Variants in SCML2 observed in about 807,000 individuals in gnomAD.
SCML2 encodes the protein Scm polycomb group protein like 2, also known as sex comb on midleg-like protein 2.
In SCML2, 6 loss-of-function variants were observed where a neutral mutation model predicts 48.4. The observed-to-expected ratio is 0.12, with a 90% CI of 0.07 to 0.24. The LOEUF is 0.24. Among genes scored for constraint, SCML2 ranks in the 10% least tolerant of loss-of-function variants. The pLI is 1.00. For missense variants in SCML2, 377 were observed against 528.2 expected (o/e 0.71, Z 2.81); for synonymous variants, 181 against 189.5 (o/e 0.95, Z 0.37).
At chrX:18,348,913 G>A (rs1435509021) in intron 1 of SCML2, among the ~76,000 whole-genome samples, 1 of 111,600 alleles carries the variant, frequency 9.0e-6, no homozygotes, top group Non-Finnish European at 1.9e-5. Flanking sequence ...TGAAAGGTAG[G>A]AAAAGTGGCC....
At chrX:18,338,078 T>G (rs1267392643) in intron 1 of SCML2, among the ~76,000 whole-genome samples, 3 of 111,928 alleles carry the variant, frequency 2.7e-5, no homozygotes, top group Non-Finnish European at 5.6e-5. Flanking sequence ...AAAATACACC[T>G]TATCAAAATT....
chrX:18,351,687 A>AT (rs1425042370), intron 1 of SCML2, among the ~76,000 whole-genome samples: 1 of 109,164 alleles, frequency 9.2e-6, no homozygotes. Flanking sequence ...AAAAAAAAAA[A>AT]AGACTAGAGG....
chrX:18,285,110 G>A (rs1928004632), intron 7 of SCML2, among the ~76,000 whole-genome samples: 1 of 110,676 alleles, frequency 9.0e-6, no homozygotes. Flanking sequence ...TTGTTGGTGG[G>A]GACATAAATT....
chrX:18,336,610 G>A (rs1360772970), intron 1 of SCML2, among the ~76,000 whole-genome samples: 4 of 105,119 alleles, frequency 3.8e-5, no homozygotes, highest in Middle Eastern at 5.4e-3. Context: ...GGTGGCGGGC[G>A]CCTGTAGTCC....
intron 7 of SCML2, among the ~76,000 whole-genome samples, chrX:18,290,750 T>A (rs189543643): frequency 9.0e-6 from 1 of 111,337 alleles, no homozygotes; most frequent in Non-Finnish European, 1.9e-5. Flanking sequence ...AGTAATGAGT[T>A]TACAAACTTT....
At chrX:18,281,188 C>A (rs1486591127) in intron 7 of SCML2, among the ~76,000 whole-genome samples, 3 of 64,543 alleles carry the variant, frequency 4.6e-5, no homozygotes, top group African/African-American at 4.7e-5. Flanking sequence ...ATAGAAATCA[C>A]TACCAAGATC....
chrX:18,327,148 T>C (rs1238557587), intron 3 of SCML2, among the ~76,000 whole-genome samples: 1 of 109,763 alleles, frequency 9.1e-6, no homozygotes, highest in African/African-American at 3.3e-5. Flanking sequence ...GGTGGGCAGA[T>C]CACCTGAGGT....
Position 18,272,234 on chromosome X carries a change from A to G in SCML2, c.731-6432T>C, listed in dbSNP as rs192933591. On this transcript the variant is annotated intron_variant, in intron 7 of 14. Transcript: ENST00000251900. Reference sequence around the variant, plus strand: ...AATACTCAAGGACTGTTACTGTCAGATAAGAGTGACTTTACCTCTCCATAA... The same window carrying G: ...AATACTCAAGGACTGTTACTGTCAGGTAAGAGTGACTTTACCTCTCCATAA... 5.2e-3 allele frequency among the ~76,000 whole-genome samples: 586 copies of G among 112,322 alleles called. 7 individuals are homozygous for G. The highest frequency in any genetic ancestry group is 0.018 in the African/African-American group (556 of 30,937).
chrX:18,306,427 C>T (rs946715180), intron 6 of SCML2, among the ~76,000 whole-genome samples: 4 of 111,725 alleles, frequency 3.6e-5, no homozygotes, highest in Non-Finnish European at 5.6e-5. Context: ...TCCTAGCTTC[C>T]TTGAATGCTT....
At chrX:18,256,324 C>T (rs1926840293) in intron 11 of SCML2, among the ~76,000 whole-genome samples, 2 of 110,744 alleles carry the variant, frequency 1.8e-5, no homozygotes, top group African/African-American at 6.6e-5. Flanking sequence ...TGGTGGTGGG[C>T]GCCTGTAATC....
At chrX:18,330,473 A>G (rs1955949341) in intron 3 of SCML2, 114 bp downstream of exon 3, 2 of 348,917 alleles carry the variant, frequency 5.7e-6, no homozygotes, top group Non-Finnish European at 5.0e-6. Context: ...AGAAGTTTAC[A>G]GTATACAGAC....
intron 6 of SCML2, among the ~76,000 whole-genome samples, chrX:18,314,713 C>T (rs764451655): frequency 4.5e-5 from 5 of 112,004 alleles, no homozygotes; most frequent in Admixed American, 9.5e-5. Flanking sequence ...TCAAAAGGAA[C>T]TCACAGTCCA....
At chrX:18,294,838 C>T (rs1928341294) in intron 7 of SCML2, among the ~76,000 whole-genome samples, 1 of 111,144 alleles carries the variant, frequency 9.0e-6, no homozygotes, top group South Asian at 3.8e-4. Flanking sequence ...TCCATAGAGT[C>T]TAAGAACCAC....
chrX:18,312,560 C>G (rs1008958683), intron 6 of SCML2, among the ~76,000 whole-genome samples: 3 of 109,577 alleles, frequency 2.7e-5, no homozygotes, highest in African/African-American at 1.0e-4. Context: ...TATTTTCAAT[C>G]TGCAGTTGGT....
Position 18,341,189 on chromosome X carries a change from T to C in SCML2, c.-24-7094A>G. On this transcript the variant is annotated intron_variant, in intron 1 of 14. Coordinates refer to ENST00000251900, the MANE Select transcript of SCML2 (RefSeq NM_006089.3). ...CCCAGCCCCAGGCCAAGAGCCTTGG[T>C]TTGCCCACTAGGATTGTTTTAAGAA... is the stretch of plus-strand genomic sequence containing the variant. 8.3e-6 allele frequency: 4 copies of C among 483,305 alleles called. No individual in the cohort carries two copies. The South Asian group carries it at 1.5e-4, about 19-fold the overall frequency. 39.8% of individuals were successfully genotyped at this position (483,305 alleles called of 1,213,427 possible).
At chrX:18,317,136 T>C (rs1369026153) in intron 6 of SCML2, among the ~76,000 whole-genome samples, 2 of 111,936 alleles carry the variant, frequency 1.8e-5, no homozygotes, top group African/African-American at 6.5e-5. Flanking sequence ...CCCAGGCTGG[T>C]TTTTAACTCC....
chrX:18,244,624 C>T (rs1926377441), intron 13 of SCML2, among the ~76,000 whole-genome samples: 1 of 111,563 alleles, frequency 9.0e-6, no homozygotes, highest in Non-Finnish European at 1.9e-5. Context: ...ACAAACTAAT[C>T]ATGTGAAAAA....
At chrX:18,288,080 A>G (rs1297210260) in intron 7 of SCML2, among the ~76,000 whole-genome samples, 1 of 111,608 alleles carries the variant, frequency 9.0e-6, no homozygotes, top group Non-Finnish European at 1.9e-5. Flanking sequence ...AGGTCAATTC[A>G]TAATTCATCT....
At chrX:18,309,943 C>CA (rs1200546148) in intron 6 of SCML2, among the ~76,000 whole-genome samples, 2 of 109,943 alleles carry the variant, frequency 1.8e-5, no homozygotes, top group Non-Finnish European at 1.9e-5. Flanking sequence ...GGAGAGAAAA[C>CA]AAAAAAAATC....
Sources: gnomAD v4.1 joint callset for allele counts (sites outside exome capture counted in the v4.1 genomes callset) on GRCh38, gnomAD v4.1.1 for gene constraint, MANE v1.5 for transcripts, NCBI Gene and HGNC (gene_info 2026-07-23, HGNC 2026-07-21) for gene names.